The following CMYA5 variants were observed in gnomAD, a reference collection of about 807,000 sequenced individuals.
CMYA5 encodes cardiomyopathy-associated protein 5.
Under a neutral mutation model 318.9 loss-of-function variants are expected in CMYA5, and 246 were observed. The ratio of observed to expected loss-of-function variants is 0.77; its 90% CI spans 0.70 to 0.86. CMYA5 has a LOEUF of 0.86. Among genes scored for constraint, CMYA5 ranks in the 40% least tolerant of loss-of-function variants. The pLI is 0.00. For synonymous variants in CMYA5, 1,641 were observed against 1,729.5 expected, an observed-to-expected ratio of 0.95 and a Z score of 1.27; for missense variants, 4,589 against 4,678.2, an observed-to-expected ratio of 0.98 and a Z score of 0.56.
intron 1 of CMYA5, among the ~76,000 whole-genome samples, chr5:79,703,740 G>C (rs1027517119): frequency 6.6e-6 from 1 of 152,156 alleles, no homozygotes; most frequent in African/African-American, 2.4e-5. Flanking sequence ...ACTTTTTGGA[G>C]ATCTAGTCAA....
In CMYA5 at chr5:79,731,031, C is replaced by T; in HGVS notation, c.2266C>T (p.Pro756Ser). 6.2e-7 allele frequency: 1 copy of T among 1,614,036 alleles called. No homozygotes were observed. The highest frequency in any genetic ancestry group is 1.3e-5 in the African/African-American group (1 of 75,070). The change falls in exon 2 of 13, where the codon CCA becomes TCA. Residue 756 changes from proline to serine, a missense_variant. Pro to Ser is a moderately conservative substitution (Grantham distance 74, BLOSUM62 -1). Around this residue, in one of 3 missense-constraint regions of CMYA5, gnomAD observed 2,132 missense variants for 2,131.3 expected, o/e 1.00. Transcript: ENST00000446378. ...CCCTGCTTCTGAGCCCTCTCTCTCA[C>T]CATCCACAACCGAAAAGACTTCTGA... ...VAPASEPSLS[P>S]STTEKTSECQ...
At chr5:79,788,661 A>G (rs967615981) in intron 9 of CMYA5, among the ~76,000 whole-genome samples, 3 of 152,172 alleles carry the variant, frequency 2.0e-5, no homozygotes, top group Non-Finnish European at 4.4e-5. Context: ...CCAGAAATTG[A>G]TAAAGAAAAT....
At chr5:79,716,015 A>G (rs1827508571) in intron 1 of CMYA5, among the ~76,000 whole-genome samples, 1 of 152,082 alleles carries the variant, frequency 6.6e-6, no homozygotes, top group East Asian at 1.9e-4. Flanking sequence ...GTTCTAACTG[A>G]TGGATTTCTC....
At position 79,738,700 on chromosome 5, in the gene CMYA5, A is replaced by C. The variant is rs1828143263; in HGVS notation, c.9935A>C (p.Glu3312Ala). 5.0e-6 allele frequency: 8 copies of C among 1,613,850 alleles called. No individual in the cohort carries two copies. In the African/African-American group the frequency reaches 8.0e-5, roughly 16 times the overall value. The change falls in exon 2 of 13, where the codon GAG becomes GCG. Residue 3312 changes from glutamate (E) to alanine (A), a missense_variant. Around this residue, in one of 3 missense-constraint regions of CMYA5, gnomAD observed 2,431 missense variants for 2,495.1 expected, o/e 0.97. Coordinates refer to ENST00000446378, the MANE Select transcript of CMYA5 (RefSeq NM_153610.5). Reference sequence around the variant, plus strand: ...GAAGGAGAATCAGTAGACCATGTGGAGACCGTTGGTAACGTAGCGATGCAG... The same window carrying C: ...GAAGGAGAATCAGTAGACCATGTGGCGACCGTTGGTAACGTAGCGATGCAG... ...YGEGESVDHV[E>A]TVGNVAMQKK... is the part of the protein sequence containing the mutation.
chr5:79,766,006 C>A (rs1263121715), intron 9 of CMYA5, among the ~76,000 whole-genome samples: 2 of 152,148 alleles, frequency 1.3e-5, no homozygotes, highest in African/African-American at 4.8e-5. Context: ...ATTGCCCTGG[C>A]CAGAATTTCC....
rs542808762 is a variant in CMYA5 at position 79,746,495 on chromosome 5, C to T, written c.10969-596C>T. ...GCTTTTTGTTCCCTGAGAACCTTAT[C>T]TTTGTTCTGTAAGAATAAGAATAAT... On this transcript the variant is annotated intron_variant, in intron 4 of 12. Coordinates refer to ENST00000446378, the MANE Select transcript of CMYA5 (RefSeq NM_153610.5). Among the ~76,000 whole-genome samples, 48 of 117,556 alleles carry T rather than the reference C, an allele frequency of 4.1e-4. 1 individual carries two copies. The South Asian group carries it at 0.013, about 32-fold the overall frequency. 77.1% of individuals were successfully genotyped at this position (117,556 alleles called of 152,430 possible). A position where few individuals can be genotyped will look rare whatever the true frequency, so the allele number is the denominator to read the frequency against.
chr5:79,742,659 T>C (rs1388411632), intron 2 of CMYA5, among the ~76,000 whole-genome samples: 1 of 152,148 alleles, frequency 6.6e-6, no homozygotes, highest in Non-Finnish European at 1.5e-5. Context: ...GCTTATCTTT[T>C]GTCTGTTATT....
chr5:79,713,489 G>A lies in CMYA5; in HGVS notation c.150-15426G>A, dbSNP rs145625806. 3.7e-3 allele frequency among the ~76,000 whole-genome samples: 561 copies of A among 152,022 alleles called. 3 individuals carry two copies. The highest frequency in any genetic ancestry group is 5.6e-3 in the Non-Finnish European group (384 of 68,012). On this transcript the variant is annotated intron_variant, in intron 1 of 12. Transcript: ENST00000446378. Reference sequence around the variant, plus strand: ...TTTATTTTGGTTCTCTGGACCTGGCGTCTCTTTGTCCTTAGTTTTTTATAA... The same window carrying A: ...TTTATTTTGGTTCTCTGGACCTGGCATCTCTTTGTCCTTAGTTTTTTATAA...
Position 79,761,958 on chromosome 5 carries a change from G to T in CMYA5, c.11407+1G>T. On this transcript the variant is annotated splice_donor_variant, in intron 8 of 12. Coordinates refer to ENST00000446378, the MANE Select transcript of CMYA5 (RefSeq NM_153610.5). LOFTEE classifies it high-confidence loss of function. ...AGTGAAAGGGCCATCTTTAGGACAGGTAAGGAGATGGATGCTAAGGGTGCA... is the reference window on the plus strand; with the variant it reads ...AGTGAAAGGGCCATCTTTAGGACAGTTAAGGAGATGGATGCTAAGGGTGCA... The T allele has an allele frequency of 6.2e-7, 1 of 1,611,736 alleles. No homozygotes were observed. The highest frequency in any genetic ancestry group is 8.5e-7 in the Non-Finnish European group (1 of 1,179,098).
intron 6 of CMYA5, among the ~76,000 whole-genome samples, chr5:79,755,670 T>C (rs1039630523): frequency 6.6e-6 from 1 of 152,246 alleles, no homozygotes; most frequent in African/African-American, 2.4e-5. Flanking sequence ...TTCTACCACA[T>C]AAGAATTGTA....
At chr5:79,764,181 G>A (rs1299514875) in intron 9 of CMYA5, among the ~76,000 whole-genome samples, 2 of 151,426 alleles carry the variant, frequency 1.3e-5, no homozygotes, top group African/African-American at 4.9e-5. Context: ...GCCCCAGTGT[G>A]TGATGGTCCC....
intron 12 of CMYA5, among the ~76,000 whole-genome samples, chr5:79,798,351 A>C: frequency 6.6e-6 from 1 of 150,792 alleles, no homozygotes; most frequent in South Asian, 2.1e-4. Flanking sequence ...CCTTTCCCTC[A>C]TCTCTCTTCT....
At chr5:79,702,621 G>T (rs1174486239) in intron 1 of CMYA5, among the ~76,000 whole-genome samples, 1 of 152,086 alleles carries the variant, frequency 6.6e-6, no homozygotes, top group Non-Finnish European at 1.5e-5. Context: ...GGGATTAGGG[G>T]TGATGCTTTA....
chr5:79,728,020 TC>T (rs1441638548), intron 1 of CMYA5, among the ~76,000 whole-genome samples: 1 of 152,240 alleles, frequency 6.6e-6, no homozygotes, highest in Non-Finnish European at 1.5e-5. Context: ...CCAGGAATAT[TC>T]CCTAAGCATT....
At chr5:79,727,280 A>G (rs1345416719) in intron 1 of CMYA5, among the ~76,000 whole-genome samples, 1 of 152,168 alleles carries the variant, frequency 6.6e-6, no homozygotes, top group Non-Finnish European at 1.5e-5. Context: ...AAACATAGCA[A>G]TGTGAAGACC....
At chr5:79,789,975 A>T (rs1198040330) in intron 10 of CMYA5, among the ~76,000 whole-genome samples, 1 of 152,250 alleles carries the variant, frequency 6.6e-6, no homozygotes, top group Non-Finnish European at 1.5e-5. Context: ...GATGCCAACA[A>T]AAAATGTTTG....
chr5:79,734,191 C>A lies in CMYA5; in HGVS notation c.5426C>A (p.Pro1809Gln). 1 of 1,613,784 alleles carries A rather than the reference C, an allele frequency of 6.2e-7. No homozygotes were observed. Among genetic ancestry groups the A allele is most frequent in the East Asian group, 2.2e-5 (1 of 44,876 alleles). The change falls in exon 2 of 13, where the codon CCA (proline) becomes CAA (glutamine). Residue 1809 changes from proline (P) to glutamine (Q), a missense_variant. Pro to Gln is a moderately conservative substitution (Grantham distance 76). Coordinates refer to ENST00000446378, the MANE Select transcript of CMYA5 (RefSeq NM_153610.5). Reference protein sequence around the residue: ...SSQVLQSITEPSKIAPSDLLV... With the variant: ...SSQVLQSITEQSKIAPSDLLV... ...CAGGTACTCCAGAGTATAACAGAAC[C>A]ATCAAAGATTGCTCCTTCTGACCTC...
intron 5 of CMYA5, among the ~76,000 whole-genome samples, chr5:79,751,412 A>G (rs1276564473): frequency 2.6e-5 from 4 of 151,650 alleles, no homozygotes; most frequent in Non-Finnish European, 5.9e-5. Context: ...GGAAACTCCC[A>G]CTCATTAATA....
chr5:79,778,900 A>ATTTTTTTTTT (rs201686318), intron 9 of CMYA5, among the ~76,000 whole-genome samples: 2 of 94,828 alleles, frequency 2.1e-5, no homozygotes, highest in Non-Finnish European at 4.1e-5. Flanking sequence ...ATTTATTTTT[A>ATTTTTTTTTT]TTTTTTTTTT....
Sources: allele counts gnomAD v4.1 joint callset (sites outside exome capture counted in the v4.1 genomes callset), GRCh38; gene constraint gnomAD v4.1.1; regional missense constraint gnomAD v4.1.1; transcripts MANE v1.5; gene names NCBI Gene and HGNC (gene_info 2026-07-23, HGNC 2026-07-21).